Variants in ZBTB20 observed in about 807,000 individuals in gnomAD.
The protein encoded by ZBTB20 is zinc finger and BTB domain-containing protein 20.
In ZBTB20, 9 loss-of-function variants were observed where a neutral mutation model predicts 56.9. That is an observed-to-expected ratio of 0.16 (90% confidence interval 0.10 to 0.28). The LOEUF (loss-of-function observed/expected upper bound fraction) is 0.28. ZBTB20 is among the 10% of genes least tolerant of loss of function. The probability of loss-of-function intolerance (pLI) is 1.00; values close to 1 mark genes in which losing one functional copy is unlikely to be tolerated. For missense variants in ZBTB20, 655 were observed against 1,003.0 expected, an observed-to-expected ratio of 0.65 and a Z score of 4.69; for synonymous variants, 417 against 420.7, an observed-to-expected ratio of 0.99 and a Z score of 0.11.
At chr3:115,047,359 A>C (rs1316953374) in intron 2 of ZBTB20, among the ~76,000 whole-genome samples, 1 of 152,230 alleles carries the variant, frequency 6.6e-6, no homozygotes, top group Non-Finnish European at 1.5e-5. Flanking sequence ...GGAATCAGGA[A>C]GAAAAAGGAC....
In ZBTB20 at chr3:114,691,997, A is replaced by T. The variant is rs577611043; in HGVS notation, c.-295+1531T>A. 2.0e-5 allele frequency among the ~76,000 whole-genome samples: 3 copies of T among 152,264 alleles called. No homozygotes were observed. In the South Asian group the frequency reaches 6.2e-4, roughly 32 times the overall value. On this transcript the variant is annotated intron_variant, in intron 6 of 11. Coordinates refer to ENST00000675478, the MANE Select transcript of ZBTB20 (RefSeq NM_001348800.3). ...CATTGCCCAGATAGTTTAAATCTCCATACCTAGAAGGGAAATACACCCACA... is the reference window on the plus strand; with the variant it reads ...CATTGCCCAGATAGTTTAAATCTCCTTACCTAGAAGGGAAATACACCCACA...
At chr3:114,749,955 G>A (rs916816454) in intron 5 of ZBTB20, among the ~76,000 whole-genome samples, 1 of 152,148 alleles carries the variant, frequency 6.6e-6, no homozygotes, top group Admixed American at 6.6e-5. Flanking sequence ...ATTCAGCCAG[G>A]ACTGTTGCTC....
intron 7 of ZBTB20, among the ~76,000 whole-genome samples, chr3:114,459,239 C>T (rs1215527969): frequency 3.9e-5 from 6 of 152,062 alleles, no homozygotes; most frequent in Non-Finnish European, 7.4e-5. Context: ...TTATAAACTT[C>T]CTCCAAGTTA....
chr3:114,638,947 C>T (rs1346994318), intron 6 of ZBTB20, among the ~76,000 whole-genome samples: 1 of 151,978 alleles, frequency 6.6e-6, no homozygotes, highest in Non-Finnish European at 1.5e-5. Context: ...TCTACTGAAA[C>T]CTAAGTGAGG....
At chr3:114,666,357 C>T (rs1463481248) in intron 6 of ZBTB20, among the ~76,000 whole-genome samples, 1 of 152,014 alleles carries the variant, frequency 6.6e-6, no homozygotes, top group Non-Finnish European at 1.5e-5. Context: ...ATATTTCTAT[C>T]ATATCATGAA....
intron 10 of ZBTB20, among the ~76,000 whole-genome samples, chr3:114,355,464 T>C (rs1293715773): frequency 2.0e-5 from 3 of 152,226 alleles, no homozygotes; most frequent in Non-Finnish European, 4.4e-5. Flanking sequence ...TTTGCTGATA[T>C]GAGTACAGAT....
At chr3:115,130,478 G>A (rs763733373) in intron 1 of ZBTB20, among the ~76,000 whole-genome samples, 26 of 152,130 alleles carry the variant, frequency 1.7e-4, no homozygotes, top group Non-Finnish European at 2.9e-4. Context: ...TTTTATCAAG[G>A]GATATCAACT....
chr3:115,088,834 A>G (rs554326808), intron 1 of ZBTB20, among the ~76,000 whole-genome samples: 2 of 151,950 alleles, frequency 1.3e-5, no homozygotes, highest in African/African-American at 4.8e-5. Context: ...TTTAAGACCA[A>G]TAACAATGGA....
intron 6 of ZBTB20, among the ~76,000 whole-genome samples, chr3:114,631,382 C>CTT (rs66470152): frequency 0.058 from 2,898 of 49,688 alleles, 1,254 homozygotes; most frequent in African/African-American, 0.091. Context: ...ATAGGTTATT[C>CTT]TTTTTTTTTT....
intron 5 of ZBTB20, among the ~76,000 whole-genome samples, chr3:114,768,503 C>T (rs1268254212): frequency 6.6e-6 from 1 of 151,884 alleles, no homozygotes; most frequent in African/African-American, 2.4e-5. Context: ...ACTCATCAGA[C>T]ATATAGGAAA....
chr3:114,615,796 C>A (rs2057896913), intron 6 of ZBTB20, among the ~76,000 whole-genome samples: 1 of 152,172 alleles, frequency 6.6e-6, no homozygotes, highest in African/African-American at 2.4e-5. Flanking sequence ...AGGCAGGAGT[C>A]CCCTGGAGGT....
chr3:115,124,709 C>A (rs1415798327), intron 1 of ZBTB20, among the ~76,000 whole-genome samples: 1 of 152,042 alleles, frequency 6.6e-6, no homozygotes, highest in Non-Finnish European at 1.5e-5. Context: ...CCCTGACAGA[C>A]AAGAGCTGGC....
intron 3 of ZBTB20, among the ~76,000 whole-genome samples, chr3:114,966,881 T>C (rs2077669210): frequency 6.6e-6 from 1 of 152,104 alleles, no homozygotes; most frequent in South Asian, 2.1e-4. Context: ...TCAAACATAC[T>C]GGGAAAACAT....
intron 6 of ZBTB20, among the ~76,000 whole-genome samples, chr3:114,590,725 G>GT (rs1350543828): frequency 6.6e-6 from 1 of 151,940 alleles, no homozygotes; most frequent in Admixed American, 6.6e-5. Flanking sequence ...ACTTTTGGCA[G>GT]TTTTTTTGCT....
chr3:114,425,846 C>A (rs1318838558), intron 7 of ZBTB20, among the ~76,000 whole-genome samples: 1 of 152,190 alleles, frequency 6.6e-6, no homozygotes, highest in Non-Finnish European at 1.5e-5. Context: ...TTCTGCTATA[C>A]AAATTCTGTG....
chr3:115,087,632 C>T (rs1246716363), intron 1 of ZBTB20, among the ~76,000 whole-genome samples: 1 of 151,882 alleles, frequency 6.6e-6, no homozygotes, highest in Admixed American at 6.6e-5. Context: ...TAACCTAGTT[C>T]CCAGTACCAA....
intron 6 of ZBTB20, among the ~76,000 whole-genome samples, chr3:114,655,062 A>C (rs898634603): frequency 2.6e-5 from 4 of 152,082 alleles, no homozygotes; most frequent in African/African-American, 9.7e-5. Flanking sequence ...TAGACAGCAT[A>C]TGTTGACTCT....
At chr3:114,454,175 G>GGGGAGAGA (rs1192815934) in intron 7 of ZBTB20, among the ~76,000 whole-genome samples, 2 of 116,676 alleles carry the variant, frequency 1.7e-5, no homozygotes, top group South Asian at 3.2e-4. Context: ...AAAAGAGAAG[G>GGGGAGAGA]GAGAGAGAGA....
chr3:114,419,697 C>G (rs542380238), intron 7 of ZBTB20, among the ~76,000 whole-genome samples: 8 of 152,190 alleles, frequency 5.3e-5, no homozygotes, highest in African/African-American at 1.4e-4. Context: ...TAAAATAATT[C>G]TCCTAAAACA....
Sources: gnomAD v4.1 joint callset for allele counts (sites outside exome capture counted in the v4.1 genomes callset) on GRCh38, gnomAD v4.1.1 for gene constraint, MANE v1.5 for transcripts, NCBI Gene and HGNC (gene_info 2026-07-23, HGNC 2026-07-21) for gene names.